KCNH8: variants seen among roughly 807,000 people sequenced by gnomAD.
KCNH8 encodes potassium voltage-gated channel subfamily H member 8, also known as voltage-gated delayed rectifier potassium channel KCNH8.
In KCNH8, 70 loss-of-function variants were observed where a neutral mutation model predicts 103.6. That is an observed-to-expected ratio of 0.68 (90% confidence interval 0.56 to 0.82). The LOEUF is 0.82. Among genes scored for constraint, KCNH8 ranks in the 40% least tolerant of loss-of-function variants. KCNH8 has a pLI of 0.00. For synonymous variants in KCNH8, 498 were observed against 489.4 expected (o/e 1.02, Z -0.23); for missense variants, 1,217 against 1,329.9 (o/e 0.92, Z 1.32).
chr3:19,384,690 A>G (rs142264638), intron 5 of KCNH8, among the ~76,000 whole-genome samples: 1 of 152,318 alleles, frequency 6.6e-6, no homozygotes, highest in East Asian at 1.9e-4. Flanking sequence ...CTGTGGAGTA[A>G]CAAGAACTCT....
At chr3:19,163,518 G>A (rs920609996) in intron 1 of KCNH8, among the ~76,000 whole-genome samples, 1 of 151,614 alleles carries the variant, frequency 6.6e-6, no homozygotes, top group African/African-American at 2.4e-5. Context: ...AGGGGTTTTG[G>A]GTGTGCCTCA....
chr3:19,379,584 G>A (rs1224454432), intron 5 of KCNH8, among the ~76,000 whole-genome samples: 1 of 151,900 alleles, frequency 6.6e-6, no homozygotes, highest in Non-Finnish European at 1.5e-5. Flanking sequence ...AGGTTGCAGT[G>A]AGCTGAGATT....
At chr3:19,410,890 A>AG (rs2066767112) in intron 7 of KCNH8, among the ~76,000 whole-genome samples, 1 of 151,582 alleles carries the variant, frequency 6.6e-6, no homozygotes, top group African/African-American at 2.4e-5. Flanking sequence ...AAAAAAAAAA[A>AG]AAAAGCCCTG....
chr3:19,259,706 T>C (rs1265177220), intron 2 of KCNH8, among the ~76,000 whole-genome samples: 1 of 151,820 alleles, frequency 6.6e-6, no homozygotes, highest in Admixed American at 6.6e-5. Flanking sequence ...AGGTTTTCAA[T>C]TGTTTGTGAA....
At chr3:19,254,038 G>A (rs2064314330) in intron 2 of KCNH8, 151 bp downstream of exon 2, 1 of 619,120 alleles carries the variant, frequency 1.6e-6, no homozygotes, top group Middle Eastern at 2.8e-4. Context: ...TTGGATGATA[G>A]CCTTGTTTTA....
chr3:19,508,331 G>A (rs1442544575), intron 11 of KCNH8, among the ~76,000 whole-genome samples: 1 of 152,012 alleles, frequency 6.6e-6, no homozygotes, highest in Non-Finnish European at 1.5e-5. Flanking sequence ...AAAAGTAGGA[G>A]GAAGAAAAAT....
At position 19,438,217 on chromosome 3, in the gene KCNH8, A is replaced by G; in HGVS notation, c.1231A>G (p.Thr411Ala). Residue 411 changes from threonine (T) to alanine (A), a missense_variant, in exon 8 of 16, where the codon ACC (threonine) becomes GCC (alanine). Transcript: ENST00000328405. ...RLESPYYGNN[T>A]LGGPSIRSAY... is the part of the protein sequence containing the mutation. ...GGAATCTCCATACTATGGCAACAATACCTTGGGGGGCCCGTCGATCCGAAG... is the reference window on the plus strand; with the variant it reads ...GGAATCTCCATACTATGGCAACAATGCCTTGGGGGGCCCGTCGATCCGAAG... The G allele has an allele frequency of 6.2e-7, 1 of 1,613,942 alleles. No homozygotes were observed. Among genetic ancestry groups the G allele is most frequent in the Non-Finnish European group, 8.5e-7 (1 of 1,179,988 alleles).
At chr3:19,220,659 G>T (rs899875526) in intron 1 of KCNH8, among the ~76,000 whole-genome samples, 2 of 152,010 alleles carry the variant, frequency 1.3e-5, no homozygotes, top group Non-Finnish European at 2.9e-5. Context: ...AACAGGAATG[G>T]TATCAAAAGG....
chr3:19,332,570 C>T (rs145057413), intron 3 of KCNH8, among the ~76,000 whole-genome samples: 9 of 152,202 alleles, frequency 5.9e-5, no homozygotes, highest in South Asian at 4.1e-4. Context: ...GTTAAGTATA[C>T]GTTTAAGGCT....
At position 19,414,410 on chromosome 3, in the gene KCNH8, T is replaced by TG. The variant is rs2125150903; in HGVS notation, c.1177+19100dup. Among the ~76,000 whole-genome samples the TG allele has an allele frequency of 2.0e-5, 3 of 151,454 alleles. No homozygotes were observed. The South Asian group carries it at 6.3e-4, about 32-fold the overall frequency. On this transcript the variant is annotated intron_variant, in intron 7 of 15. Coordinates refer to ENST00000328405, the MANE Select transcript of KCNH8 (RefSeq NM_144633.3). The stretch of plus-strand genomic sequence containing the variant: ...AATCATGAAACATATGGAAAAACAT[T>TG]GAAAAAAAGGAAATATCAAGAAAAT...
chr3:19,380,068 TAC>T (rs1173883526), intron 5 of KCNH8, among the ~76,000 whole-genome samples: 1 of 152,144 alleles, frequency 6.6e-6, no homozygotes, highest in Non-Finnish European at 1.5e-5. Context: ...GAAGAATAAG[TAC>T]AGAGACACAC....
At chr3:19,400,461 A>T (rs1473316860) in intron 7 of KCNH8, among the ~76,000 whole-genome samples, 1 of 151,828 alleles carries the variant, frequency 6.6e-6, no homozygotes, top group Non-Finnish European at 1.5e-5. Context: ...GTTCTTTTTC[A>T]AAATTACCTC....
rs543519075 is a variant in KCNH8 at position 19,533,053 on chromosome 3, A to C, written c.2620-342A>C. ...CCCCGTCTCTACTAAAAATACAAAAAATTAGCTGCACGTTGTGGTGGGCGC... is the reference window on the plus strand; with the variant it reads ...CCCCGTCTCTACTAAAAATACAAAACATTAGCTGCACGTTGTGGTGGGCGC... On this transcript the variant is annotated intron_variant, in intron 15 of 15. Coordinates refer to ENST00000328405, the MANE Select transcript of KCNH8 (RefSeq NM_144633.3). Among the ~76,000 whole-genome samples, 3 of 152,050 alleles carry C rather than the reference A, an allele frequency of 2.0e-5. No individual in the cohort carries two copies. The East Asian group carries it at 5.8e-4, about 30-fold the overall frequency.
At chr3:19,157,766 T>A (rs1486876552) in intron 1 of KCNH8, among the ~76,000 whole-genome samples, 1 of 151,982 alleles carries the variant, frequency 6.6e-6, no homozygotes. Context: ...TTGTTGAGCA[T>A]TACTTGTTTA....
chr3:19,477,424 C>CTT (rs898684189), intron 11 of KCNH8, among the ~76,000 whole-genome samples: 6 of 131,038 alleles, frequency 4.6e-5, no homozygotes, highest in Admixed American at 1.6e-4. Context: ...TTTTGGTTTT[C>CTT]TTTTTTTTTT....
At chr3:19,529,519 AC>A (rs2069124935) in intron 15 of KCNH8, among the ~76,000 whole-genome samples, 1 of 152,156 alleles carries the variant, frequency 6.6e-6, no homozygotes. Context: ...CACTTGAGCC[AC>A]CACCCTTAGA....
At chr3:19,530,192 G>T (rs2069136015) in intron 15 of KCNH8, among the ~76,000 whole-genome samples, 1 of 152,142 alleles carries the variant, frequency 6.6e-6, no homozygotes, top group South Asian at 2.1e-4. Flanking sequence ...TGGTTAATGG[G>T]CACAGAAGTA....
chr3:19,238,861 A>G (rs546335630), intron 1 of KCNH8, among the ~76,000 whole-genome samples: 1 of 152,350 alleles, frequency 6.6e-6, no homozygotes, highest in South Asian at 2.1e-4. Flanking sequence ...GGAGAAGCGT[A>G]TCTTACAGTT....
chr3:19,157,758 G>GT (rs1247495414), intron 1 of KCNH8, among the ~76,000 whole-genome samples: 1 of 151,792 alleles, frequency 6.6e-6, no homozygotes, highest in Non-Finnish European at 1.5e-5. Context: ...TAAATGCTTT[G>GT]TTGAGCATTA....
Sources: allele counts gnomAD v4.1 joint callset (sites outside exome capture counted in the v4.1 genomes callset), GRCh38; gene constraint gnomAD v4.1.1; transcripts MANE v1.5; gene names NCBI Gene and HGNC (gene_info 2026-07-23, HGNC 2026-07-21).